CARMIL1: variants seen among roughly 807,000 people sequenced by gnomAD.
The protein encoded by CARMIL1 is capping protein regulator and myosin 1 linker 1.
CARMIL1 carries 90 observed loss-of-function variants against 177.1 expected under a neutral mutation model. The ratio of observed to expected loss-of-function variants is 0.51; its 90% CI spans 0.43 to 0.61. The LOEUF is 0.61. CARMIL1 is among the 20% of genes least tolerant of loss of function. The pLI, the probability that CARMIL1 is intolerant of heterozygous loss-of-function variation, is 0.00. For missense variants in CARMIL1, 1,380 were observed against 1,667.0 expected, an observed-to-expected ratio of 0.83 and a Z score of 3.00; for synonymous variants, 577 against 606.2, an observed-to-expected ratio of 0.95 and a Z score of 0.71.
intron 4 of CARMIL1, among the ~76,000 whole-genome samples, chr6:25,431,325 A>G (rs1283284663): frequency 6.6e-6 from 1 of 151,986 alleles, no homozygotes; most frequent in African/African-American, 2.4e-5. Context: ...TGTTCTTTAA[A>G]ATTGTCAAAA....
At chr6:25,385,065 GT>G (rs1480636228) in intron 2 of CARMIL1, among the ~76,000 whole-genome samples, 2 of 152,182 alleles carry the variant, frequency 1.3e-5, no homozygotes, top group African/African-American at 4.8e-5. Context: ...TTCACATTCG[GT>G]GAGAGAGGAA....
chr6:25,490,990 G>A (rs1803171252), intron 13 of CARMIL1, among the ~76,000 whole-genome samples: 1 of 152,212 alleles, frequency 6.6e-6, no homozygotes, highest in Non-Finnish European at 1.5e-5. Flanking sequence ...TGGTGGCAGG[G>A]AGCTTGGACT....
chr6:25,582,045 T>C (rs1813164953), intron 31 of CARMIL1, among the ~76,000 whole-genome samples: 1 of 152,234 alleles, frequency 6.6e-6, no homozygotes, highest in Admixed American at 6.5e-5. Flanking sequence ...CTCTCCTTTA[T>C]AGCTAAACTT....
At chr6:25,566,542 C>T (rs1031045962) in intron 29 of CARMIL1, among the ~76,000 whole-genome samples, 1 of 152,208 alleles carries the variant, frequency 6.6e-6, no homozygotes, top group Non-Finnish European at 1.5e-5. Flanking sequence ...ATCCTCTGAG[C>T]CAAAGAAGCC....
chr6:25,513,260 A>G (rs1373066716), intron 20 of CARMIL1, among the ~76,000 whole-genome samples: 2 of 152,144 alleles, frequency 1.3e-5, no homozygotes, highest in African/African-American at 4.8e-5. Flanking sequence ...TTTCTTTAAA[A>G]CAGTAAGTTT....
intron 32 of CARMIL1, among the ~76,000 whole-genome samples, chr6:25,599,805 G>A (rs1815216067): frequency 6.6e-6 from 1 of 152,168 alleles, no homozygotes; most frequent in African/African-American, 2.4e-5. Flanking sequence ...GTGCAGGTCT[G>A]TTGGTTGTTT....
intron 12 of CARMIL1, 28 bp downstream of exon 12, chr6:25,482,371 T>C (rs745726437): frequency 8.9e-7 from 1 of 1,117,542 alleles, no homozygotes; most frequent in Non-Finnish European, 1.3e-6. Context: ...TACCTAAGAG[T>C]GTGTCTGAAA....
intron 35 of CARMIL1, among the ~76,000 whole-genome samples, chr6:25,607,884 C>G (rs939853777): frequency 4.6e-5 from 7 of 152,186 alleles, no homozygotes; most frequent in Admixed American, 4.6e-4. Context: ...GGAACTAAGC[C>G]TTGAAACAAA....
At chr6:25,335,766 G>T (rs919338732) in intron 2 of CARMIL1, among the ~76,000 whole-genome samples, 1 of 152,232 alleles carries the variant, frequency 6.6e-6, no homozygotes, top group Non-Finnish European at 1.5e-5. Context: ...AAAGCCTTGA[G>T]TCCATGCTCA....
intron 8 of CARMIL1, chr6:25,465,502 A>T (rs899675571): frequency 5.5e-6 from 1 of 180,468 alleles, no homozygotes; most frequent in African/African-American, 2.4e-5. Context: ...CTTGGGTGAC[A>T]AAGTGGGACC....
intron 2 of CARMIL1, among the ~76,000 whole-genome samples, chr6:25,327,843 G>A (rs1785269396): frequency 1.3e-5 from 2 of 152,180 alleles, no homozygotes; most frequent in Admixed American, 6.5e-5. Flanking sequence ...TATTGGTGAG[G>A]AAGAACAAAA....
chr6:25,463,474 A>G (rs1024586715), intron 8 of CARMIL1, among the ~76,000 whole-genome samples: 1 of 152,216 alleles, frequency 6.6e-6, no homozygotes, highest in Non-Finnish European at 1.5e-5. Flanking sequence ...GTTCCTGAAA[A>G]TGACTTCATC....
At chr6:25,317,562 CT>C (rs33992407) in intron 2 of CARMIL1, among the ~76,000 whole-genome samples, 202 of 107,118 alleles carry the variant, frequency 1.9e-3, no homozygotes, top group Middle Eastern at 6.8e-3. Context: ...TTACTTAGGA[CT>C]TTTTTTTTTT....
rs746583136 is a variant in CARMIL1 at position 25,581,298 on chromosome 6, C to G, written c.2865C>G (p.Asp955Glu). The change falls in exon 31 of 37, where the codon GAC becomes GAG. Residue 955 changes from aspartate (D) to glutamate (E), a missense_variant. By Grantham distance (45) the Asp-to-Glu change is conservative (BLOSUM62 2). Transcript: ENST00000329474. ...ALEEVPIHIE[D>E]PPFPSLRQEK... ...AAGAGGTACCAATTCACATCGAAGA[C>G]CCGCCCTTCCCATCCCTCAGACAGG... 1 of 1,613,836 alleles carries G rather than the reference C, an allele frequency of 6.2e-7. No individual in the cohort carries two copies. The highest frequency in any genetic ancestry group is 1.1e-5 in the South Asian group (1 of 91,066).
intron 9 of CARMIL1, among the ~76,000 whole-genome samples, chr6:25,466,600 T>A (rs1392490478): frequency 6.6e-6 from 1 of 152,138 alleles, no homozygotes; most frequent in Non-Finnish European, 1.5e-5. Context: ...AAGAAAGAAT[T>A]TATATGTTTT....
intron 5 of CARMIL1, among the ~76,000 whole-genome samples, chr6:25,443,537 G>A (rs1374096832): frequency 6.6e-6 from 1 of 152,136 alleles, no homozygotes; most frequent in African/African-American, 2.4e-5. Context: ...CTATGGGTTT[G>A]GTTCCAGACC....
chr6:25,456,047 A>G (rs1199571205), intron 8 of CARMIL1, among the ~76,000 whole-genome samples: 1 of 152,156 alleles, frequency 6.6e-6, no homozygotes, highest in African/African-American at 2.4e-5. Context: ...TCTTCTTCAG[A>G]CATAGGCCCC....
intron 26 of CARMIL1, among the ~76,000 whole-genome samples, chr6:25,549,073 T>G (rs1048970663): frequency 6.6e-6 from 1 of 152,206 alleles, no homozygotes; most frequent in Admixed American, 6.5e-5. Flanking sequence ...TTCGTTTTTA[T>G]AGGGTCAAAG....
At chr6:25,419,371 C>G (rs532865783) in intron 2 of CARMIL1, among the ~76,000 whole-genome samples, 1 of 152,270 alleles carries the variant, frequency 6.6e-6, no homozygotes, top group Admixed American at 6.5e-5. Context: ...GTCCAAATCT[C>G]AAAGTTGCAG....
Sources: gnomAD v4.1 joint callset for allele counts (sites outside exome capture counted in the v4.1 genomes callset) on GRCh38, gnomAD v4.1.1 for gene constraint, MANE v1.5 for transcripts, NCBI Gene and HGNC (gene_info 2026-07-23, HGNC 2026-07-21) for gene names.